CDK15: variants seen among roughly 807,000 people sequenced by gnomAD.
CDK15 encodes cyclin dependent kinase 15, also known as cyclin-dependent kinase 15.
CDK15 carries 62 observed loss-of-function variants against 60.3 expected under a neutral mutation model. The ratio of observed to expected loss-of-function variants is 1.03; its 90% CI spans 0.84 to 1.27. The LOEUF is 1.27. Ranked by LOEUF, CDK15 falls within the 50% of genes most tolerant of loss-of-function variation. The pLI, the probability that CDK15 is intolerant of heterozygous loss-of-function variation, is 0.00. For synonymous variants in CDK15, 194 were observed against 195.7 expected (o/e 0.99, Z 0.07); for missense variants, 541 against 527.8 (o/e 1.03, Z -0.25).
intron 4 of CDK15, among the ~76,000 whole-genome samples, chr2:201,813,505 CT>C (rs1695862812): frequency 6.6e-6 from 1 of 152,204 alleles, no homozygotes; most frequent in Non-Finnish European, 1.5e-5. Flanking sequence ...ATCTTCTGTT[CT>C]TTACTGAGCA....
intron 8 of CDK15, among the ~76,000 whole-genome samples, chr2:201,842,517 G>A (rs1200415733): frequency 3.9e-5 from 6 of 152,116 alleles, no homozygotes; most frequent in South Asian, 2.1e-4. Flanking sequence ...CATATATTAC[G>A]TTATTCTGAA....
intron 5 of CDK15, 116 bp from the exon 6 acceptor site, chr2:201,823,549 T>C: frequency 1.1e-6 from 1 of 928,908 alleles, no homozygotes; most frequent in Non-Finnish European, 1.7e-6. Context: ...TGCACCTTAT[T>C]CTTAAAATTC....
At chr2:201,862,452 A>G (rs1022649385) in intron 10 of CDK15, among the ~76,000 whole-genome samples, 1 of 152,236 alleles carries the variant, frequency 6.6e-6, no homozygotes, top group Non-Finnish European at 1.5e-5. Context: ...AATGACTAAG[A>G]GTTAGAAAAC....
rs956671327 is a variant in CDK15, at chr2:201,835,661, C to G, written c.749C>G (p.Ser250Cys). The change falls in exon 8 of 14, where the codon TCC becomes TGC. Residue 250 changes from serine (S) to cysteine (C), a missense_variant. Transcript: ENST00000652192. ...TGGACAGGTCTTGCCCGGGCCAAGT[C>G]CATTCCCAGCCAGACATACTCTTCA... ...LADFGLARAK[S>C]IPSQTYSSEV... The G allele has an allele frequency of 5.0e-6, 8 of 1,608,964 alleles. No individual in the cohort carries two copies. The African/African-American group carries it at 1.1e-4, about 22-fold the overall frequency.
rs139108303 is a variant in CDK15, at chr2:201,891,913, G to A, written c.*33+986G>A. 7.6e-3 allele frequency among the ~76,000 whole-genome samples: 1,154 copies of A among 152,116 alleles called. 9 individuals carry two copies. Among genetic ancestry groups the A allele is most frequent in the Middle Eastern group, 0.031 (9 of 294 alleles). ...CCACAGCTTGGCCGTGCTTCCCAGG[G>A]GCCTAGATGGTAACCACCGGTATCT... On this transcript the variant is annotated intron_variant, in intron 13 of 13. Coordinates refer to ENST00000652192, the MANE Select transcript of CDK15 (RefSeq NM_001366386.2).
intron 4 of CDK15, among the ~76,000 whole-genome samples, chr2:201,821,740 G>A (rs2105708317): frequency 6.6e-6 from 1 of 152,152 alleles, no homozygotes; most frequent in South Asian, 2.1e-4. Context: ...GTGCAATCTT[G>A]GCTCACTGCA....
chr2:201,884,351 T>C (rs1470655127), intron 12 of CDK15, among the ~76,000 whole-genome samples: 1 of 152,226 alleles, frequency 6.6e-6, no homozygotes, highest in Non-Finnish European at 1.5e-5. Flanking sequence ...TCACAAGTAA[T>C]TTTGCAAAAA....
intron 12 of CDK15, among the ~76,000 whole-genome samples, chr2:201,880,800 T>C (rs1699248016): frequency 6.6e-6 from 1 of 152,092 alleles, no homozygotes; most frequent in Non-Finnish European, 1.5e-5. Flanking sequence ...TCATGTTTCT[T>C]GGACTGTGGC....
intron 3 of CDK15, among the ~76,000 whole-genome samples, chr2:201,810,236 T>C (rs1196014642): frequency 6.6e-6 from 1 of 151,940 alleles, no homozygotes; most frequent in East Asian, 1.9e-4. Flanking sequence ...TGCAAAATAG[T>C]TCAATAAAAA....
intron 8 of CDK15, among the ~76,000 whole-genome samples, chr2:201,839,692 A>G (rs1178090128): frequency 1.0e-5 from 1 of 95,394 alleles, no homozygotes; most frequent in Non-Finnish European, 2.3e-5. Context: ...ACAGACAGAT[A>G]GATAGATAAA....
In CDK15 at chr2:201,833,923, C is replaced by T. The variant is rs1696888427; in HGVS notation, c.682C>T (p.Gln228Ter). 2 of 1,614,038 alleles carry T rather than the reference C, an allele frequency of 1.2e-6. No homozygotes were observed. Among genetic ancestry groups the T allele is most frequent in the South Asian group, 2.2e-5 (2 of 91,068 alleles). Reference sequence around the variant, plus strand: ...CGTTCTTCACAGGGACCTGAAACCTCAGAACTTACTCATCAGTCACCTGGG... The same window carrying T: ...CGTTCTTCACAGGGACCTGAAACCTTAGAACTTACTCATCAGTCACCTGGG... ...QHVLHRDLKP[Q>*]NLLISHLGEL... Residue 228 changes from glutamine (Q) to a stop codon, truncating the protein, a stop_gained, in exon 7 of 14, where the codon CAG (glutamine) becomes TAG (stop). Coordinates refer to ENST00000652192, the MANE Select transcript of CDK15 (RefSeq NM_001366386.2). LOFTEE classifies it high-confidence loss of function.
chr2:201,845,494 G>A (rs1010657952), intron 8 of CDK15, among the ~76,000 whole-genome samples: 14 of 150,488 alleles, frequency 9.3e-5, no homozygotes, highest in Non-Finnish European at 1.5e-5. Context: ...GCTCACATCT[G>A]TAGTCCTAGC....
chr2:201,826,814 C>T (rs963535225), intron 6 of CDK15, among the ~76,000 whole-genome samples: 3 of 152,224 alleles, frequency 2.0e-5, no homozygotes, highest in Admixed American at 1.3e-4. Flanking sequence ...CCAATTGTAA[C>T]TGTACTTATA....
intron 11 of CDK15, among the ~76,000 whole-genome samples, chr2:201,874,347 C>T (rs942153499): frequency 2.0e-5 from 3 of 152,120 alleles, no homozygotes; most frequent in African/African-American, 7.2e-5. Context: ...AAATTCTTGG[C>T]TCTTGGAAGG....
At chr2:201,878,760 G>A (rs1378273680) in intron 11 of CDK15, among the ~76,000 whole-genome samples, 2 of 152,172 alleles carry the variant, frequency 1.3e-5, no homozygotes, top group African/African-American at 4.8e-5. Flanking sequence ...TAGGTGTTGG[G>A]CAAGGGGTCT....
intron 11 of CDK15, chr2:201,876,551 G>A (rs1559147047): frequency 7.8e-7 from 1 of 1,286,674 alleles, no homozygotes; most frequent in Non-Finnish European, 1.0e-6. Flanking sequence ...TGCCCGCTTT[G>A]CCCTGGTGAC....
rs186982516 is a variant in CDK15, at chr2:201,810,304, G to A, written c.369-2179G>A. Among the ~76,000 whole-genome samples, 363 of 151,876 alleles carry A rather than the reference G, an allele frequency of 2.4e-3. 1 individual carries two copies. Among genetic ancestry groups the A allele is most frequent in the Middle Eastern group, 0.01 (3 of 294 alleles). ...GAAAAGATCCATAAACTTATGAAAA[G>A]TCAGTTTCACATATGGTTAAAGAAA... On this transcript the variant is annotated intron_variant, in intron 3 of 13. Coordinates refer to ENST00000652192, the MANE Select transcript of CDK15 (RefSeq NM_001366386.2).
chr2:201,823,628 A>C, intron 5 of CDK15, 37 bp from the exon 6 acceptor site: 1 of 1,578,340 alleles, frequency 6.3e-7, no homozygotes, highest in South Asian at 1.1e-5. Flanking sequence ...AGCACCACTA[A>C]ATTCACTCAC....
intron 4 of CDK15, among the ~76,000 whole-genome samples, chr2:201,813,402 A>G (rs956892538): frequency 6.6e-6 from 1 of 152,232 alleles, no homozygotes; most frequent in African/African-American, 2.4e-5. Context: ...GAGCCATTTG[A>G]AATAAGATGA....
Sources: allele counts gnomAD v4.1 joint callset (sites outside exome capture counted in the v4.1 genomes callset), GRCh38; gene constraint gnomAD v4.1.1; transcripts MANE v1.5; gene names NCBI Gene and HGNC (gene_info 2026-07-23, HGNC 2026-07-21).